Variants in ARHGEF37 observed in about 807,000 individuals in gnomAD.
ARHGEF37 encodes Rho guanine nucleotide exchange factor 37, also known as Rho guanine nucleotide exchange factor (GEF) 37.
A neutral mutation model predicts 71.1 loss-of-function variants in ARHGEF37; 55 were observed. The ratio of observed to expected loss-of-function variants is 0.77; its 90% CI spans 0.62 to 0.97. The LOEUF (loss-of-function observed/expected upper bound fraction) is 0.97, where lower values mean the gene tolerates loss of function less well. ARHGEF37 is among the 50% of genes least tolerant of loss of function. The probability of loss-of-function intolerance (pLI) is 0.00; values close to 1 mark genes in which losing one functional copy is unlikely to be tolerated. For missense variants in ARHGEF37, 765 were observed against 836.8 expected (o/e 0.91, Z 1.06); for synonymous variants, 327 against 350.6 (o/e 0.93, Z 0.75).
intron 12 of ARHGEF37, 36 bp downstream of exon 12, chr5:149,629,002 T>A (rs1158730334): frequency 6.3e-7 from 1 of 1,595,104 alleles, no homozygotes. Flanking sequence ...TTGCCTCCCA[T>A]CGGCCATCCG....
At chr5:149,598,808 A>G (rs985738214) in intron 2 of ARHGEF37, among the ~76,000 whole-genome samples, 172 of 147,750 alleles carry the variant, frequency 1.2e-3, no homozygotes, top group African/African-American at 3.5e-3. Flanking sequence ...AGATATATAT[A>G]TGTGTGTGTG....
intron 1 of ARHGEF37, among the ~76,000 whole-genome samples, chr5:149,553,925 T>C (rs1580875914): frequency 6.6e-6 from 1 of 152,328 alleles, no homozygotes; most frequent in Non-Finnish European, 1.5e-5. Flanking sequence ...CCTAGCACTT[T>C]GGGAGGCCAA....
chr5:149,628,115 A>G (rs1752753002), intron 11 of ARHGEF37, among the ~76,000 whole-genome samples: 1 of 152,212 alleles, frequency 6.6e-6, no homozygotes, highest in African/African-American at 2.4e-5. Context: ...GAACCACAGA[A>G]CGGGTATTAA....
intron 1 of ARHGEF37, among the ~76,000 whole-genome samples, chr5:149,593,658 A>G (rs910664279): frequency 6.6e-6 from 1 of 152,232 alleles, no homozygotes; most frequent in Non-Finnish European, 1.5e-5. Flanking sequence ...CATATTTTGT[A>G]TGTTATATGT....
At chr5:149,566,107 A>G (rs1762896095) in intron 1 of ARHGEF37, among the ~76,000 whole-genome samples, 1 of 151,444 alleles carries the variant, frequency 6.6e-6, no homozygotes, top group Non-Finnish European at 1.5e-5. Context: ...TGGCCGCCCA[A>G]AGTGCTGGGA....
chr5:149,602,492 ATT>A (rs71587783), intron 3 of ARHGEF37, among the ~76,000 whole-genome samples: 1 of 144,940 alleles, frequency 6.9e-6, no homozygotes, highest in Non-Finnish European at 1.5e-5. Context: ...CTTTGGTTTA[ATT>A]TTTTTTTTTT....
At chr5:149,627,913 G>A (rs1752745850) in intron 11 of ARHGEF37, among the ~76,000 whole-genome samples, 1 of 152,166 alleles carries the variant, frequency 6.6e-6, no homozygotes, top group African/African-American at 2.4e-5. Context: ...TTCAGACAGT[G>A]TATTATAATT....
At chr5:149,618,831 GT>G (rs748666526) in intron 6 of ARHGEF37, 106 bp from the exon 7 acceptor site, 37 of 891,322 alleles carry the variant, frequency 4.2e-5, no homozygotes, top group Non-Finnish European at 6.6e-5. Flanking sequence ...ACCAGCTCTG[GT>G]GGGCGAGTCT....
chr5:149,598,393 C>T (rs1314252133), intron 2 of ARHGEF37, among the ~76,000 whole-genome samples: 3 of 102,768 alleles, frequency 2.9e-5, no homozygotes, highest in African/African-American at 9.8e-5. Context: ...CTTCCTCTTC[C>T]TCTCCTTCCT....
rs530806701 is a variant in ARHGEF37 at position 149,585,849 on chromosome 5, G to T, written c.-12+4225G>T. On this transcript the variant is annotated intron_variant, in intron 1 of 12. Transcript: ENST00000333677. ...TTTTCATTTTACATAAAATTCAAAG[G>T]GAGTTGCTATTCCATACCTGAACTC... is the stretch of plus-strand genomic sequence containing the variant. 4.9e-4 allele frequency among the ~76,000 whole-genome samples: 74 copies of T among 152,284 alleles called. 1 individual carries two copies. In the South Asian group the frequency reaches 0.015, roughly 31 times the overall value.
chr5:149,593,077 A>G (rs1277616519), intron 1 of ARHGEF37, among the ~76,000 whole-genome samples: 1 of 152,016 alleles, frequency 6.6e-6, no homozygotes, highest in Non-Finnish European at 1.5e-5. Context: ...GGCATTTTAC[A>G]TTTTCACCAG....
chr5:149,578,548 C>T (rs532350036), upstream of ARHGEF37, among the ~76,000 whole-genome samples: 1 of 152,268 alleles, frequency 6.6e-6, no homozygotes, highest in East Asian at 1.9e-4. Context: ...ACCTACTATG[C>T]ACAAGGCATT....
rs762647359 is a variant in ARHGEF37, at chr5:149,628,939, A to C, written c.1791A>C (p.Leu597=). ...TAACACCGGAGCCCAGCCCAGCTCT[A>C]GTGCCCTCTATTCCCACCATGAACC... ...RCLTPEPSPA[L]VPSIPTMNQV... is the part of the protein sequence containing the mutation. Residue 597 remains leucine (L), a synonymous_variant, in exon 12 of 13, where the codon CTA becomes CTC. Coordinates refer to ENST00000333677, the MANE Select transcript of ARHGEF37 (RefSeq NM_001001669.3). 4 of 1,612,830 alleles carry C rather than the reference A, an allele frequency of 2.5e-6. No homozygotes were observed. The highest frequency in any genetic ancestry group is 3.4e-6 in the Non-Finnish European group (4 of 1,179,966).
chr5:149,629,060 G>C lies in ARHGEF37; in HGVS notation c.1818+94G>C. 13 of 1,427,238 alleles carry C rather than the reference G, an allele frequency of 9.1e-6. No homozygotes were observed. In the South Asian group the frequency reaches 1.7e-4, roughly 19 times the overall value. 88.4% of individuals were successfully genotyped at this position (1,427,238 alleles called of 1,614,324 possible). On this transcript the variant is annotated intron_variant, in intron 12 of 12. Transcript: ENST00000333677. The stretch of plus-strand genomic sequence containing the variant: ...CTCTCTCAAAGTCTATGCCCCTCCT[G>C]TCTGGTGGGGCTGCCACTCTGTGAG...
chr5:149,621,898 G>T lies in ARHGEF37; in HGVS notation c.1171G>T (p.Ala391Ser), dbSNP rs149683598. 2 of 1,614,110 alleles carry T rather than the reference G, an allele frequency of 1.2e-6. No homozygotes were observed. Among genetic ancestry groups the T allele is most frequent in the African/African-American group, 1.3e-5 (1 of 74,928 alleles). ...CAGTGTGACCTACCAGGAGGAGGCCGCCCGGCACACATACCAGGCACTCAA... is the reference window on the plus strand; with the variant it reads ...CAGTGTGACCTACCAGGAGGAGGCCTCCCGGCACACATACCAGGCACTCAA... The part of the protein sequence containing the change: ...VGSVTYQEEA[A>S]RHTYQALNSL... The change falls in exon 9 of 13, where the codon GCC becomes TCC. Residue 391 changes from alanine (A) to serine (S), a missense_variant. Ala to Ser is a moderately conservative substitution (Grantham distance 99, BLOSUM62 1). This residue lies in a region of ARHGEF37 where 390 missense variants were observed against 407.4 expected (regional missense o/e 0.96). Coordinates refer to ENST00000333677, the MANE Select transcript of ARHGEF37 (RefSeq NM_001001669.3).
At chr5:149,628,691 T>C (rs1752775423) in intron 11 of ARHGEF37, 118 bp from the exon 12 acceptor site, 1 of 1,342,106 alleles carries the variant, frequency 7.5e-7, no homozygotes, top group African/African-American at 1.5e-5. Context: ...GATGACCTTT[T>C]GGTTCTCTTG....
At chr5:149,558,181 T>C (rs1041103330) in intron 1 of ARHGEF37, among the ~76,000 whole-genome samples, 1 of 151,916 alleles carries the variant, frequency 6.6e-6, no homozygotes, top group Non-Finnish European at 1.5e-5. Flanking sequence ...CCTTTTTTCT[T>C]CTTTCTTTCT....
chr5:149,577,010 G>A (rs947198309), upstream of ARHGEF37, among the ~76,000 whole-genome samples: 7 of 151,924 alleles, frequency 4.6e-5, no homozygotes, highest in East Asian at 1.9e-4. Context: ...CAAAACTTAC[G>A]TTCTAGACTT....
chr5:149,627,148 G>A lies in ARHGEF37; in HGVS notation c.1537G>A (p.Val513Met). 2 of 1,614,176 alleles carry A rather than the reference G, an allele frequency of 1.2e-6. No homozygotes were observed. The highest frequency in any genetic ancestry group is 1.7e-6 in the Non-Finnish European group (2 of 1,180,046). Reference sequence around the variant, plus strand: ...GTATGGCCCTGGGAAGCTGTACCAGGTGACAAGCAACATCAGTGGGACTGG... The same window carrying A: ...GTATGGCCCTGGGAAGCTGTACCAGATGACAAGCAACATCAGTGGGACTGG... ...SRYGPGKLYQ[V>M]TSNISGTGTL... The change falls in exon 11 of 13, where the codon GTG becomes ATG. Residue 513 changes from valine to methionine, a missense_variant. Physicochemically the swap from Val to Met is conservative, Grantham distance 21 (BLOSUM62 1). Coordinates refer to ENST00000333677, the MANE Select transcript of ARHGEF37 (RefSeq NM_001001669.3).
Sources: allele counts gnomAD v4.1 joint callset (sites outside exome capture counted in the v4.1 genomes callset), GRCh38; gene constraint gnomAD v4.1.1; regional missense constraint gnomAD v4.1.1; transcripts MANE v1.5; gene names NCBI Gene and HGNC (gene_info 2026-07-23, HGNC 2026-07-21).